The following NAALADL2 variants were observed in gnomAD, a reference collection of about 807,000 sequenced individuals.
NAALADL2 encodes inactive N-acetylated-alpha-linked acidic dipeptidase-like protein 2.
A neutral mutation model predicts 87.2 loss-of-function variants in NAALADL2; 76 were observed. The ratio of observed to expected loss-of-function variants is 0.87; its 90% CI spans 0.72 to 1.05. The LOEUF is 1.05. Among genes scored for constraint, NAALADL2 ranks in the 50% least tolerant of loss-of-function variants. NAALADL2 has a pLI of 0.00. For synonymous variants in NAALADL2, 354 were observed against 331.0 expected (o/e 1.07, Z -0.75); for missense variants, 1,089 against 945.8 (o/e 1.15, Z -1.99).
intron 11 of NAALADL2, among the ~76,000 whole-genome samples, chr3:175,698,473 G>GTATATATTTATATATA (rs1315132432): frequency 1.9e-4 from 16 of 82,090 alleles, no homozygotes; most frequent in African/African-American, 1.4e-3. Context: ...ATATATGTGT[G>GTATATATTTATATATA]TATATATATT....
At chr3:175,370,499 TG>T (rs59739020) in intron 5 of NAALADL2, among the ~76,000 whole-genome samples, 407 of 146,210 alleles carry the variant, frequency 2.8e-3, no homozygotes, top group South Asian at 0.011. Flanking sequence ...TGCCAATATA[TG>T]GGGGGGGGAG....
intron 2 of NAALADL2, among the ~76,000 whole-genome samples, chr3:175,108,283 G>A (rs1333039127): frequency 6.6e-6 from 1 of 151,892 alleles, no homozygotes; most frequent in Non-Finnish European, 1.5e-5. Flanking sequence ...AGGGTATGCA[G>A]CTTTCAGTAT....
intron 5 of NAALADL2, among the ~76,000 whole-genome samples, chr3:175,395,842 A>G (rs1487233956): frequency 6.6e-6 from 1 of 152,178 alleles, no homozygotes; most frequent in African/African-American, 2.4e-5. Context: ...ATTATTTTAT[A>G]TTTTATGAGC....
Position 174,859,433 on chromosome 3 carries a change from C to T in NAALADL2, c.26C>T (p.Pro9Leu). 6.2e-7 allele frequency: 1 copy of T among 1,610,790 alleles called. No homozygotes were observed. The highest frequency in any genetic ancestry group is 8.5e-7 in the Non-Finnish European group (1 of 1,178,204). MGENEASL[P>L]NTSLQGKKMA... ...ATGGGAGAGAATGAAGCAAGTTTAC[C>T]TAACACGTCTTTGCAAGGTAAGTAC... The change falls in exon 1 of 14, where the codon CCT becomes CTT. Residue 9 changes from proline (P) to leucine (L), a missense_variant. Transcript: ENST00000454872.
intron 2 of NAALADL2, among the ~76,000 whole-genome samples, chr3:174,737,325 C>G (rs1179212119): frequency 6.6e-6 from 1 of 152,198 alleles, no homozygotes; most frequent in African/African-American, 2.4e-5. Context: ...TTATGTTTAG[C>G]AGTGTGTGGC....
intron 10 of NAALADL2, among the ~76,000 whole-genome samples, chr3:175,625,267 A>T (rs545358117): frequency 1.3e-5 from 2 of 152,090 alleles, no homozygotes; most frequent in Admixed American, 6.6e-5. Context: ...TTGAATAGTG[A>T]TGAGAATGTC....
At chr3:175,403,301 T>C (rs920035665) in intron 5 of NAALADL2, among the ~76,000 whole-genome samples, 2 of 152,056 alleles carry the variant, frequency 1.3e-5, no homozygotes, top group African/African-American at 4.8e-5. Flanking sequence ...AGCTGTGCAG[T>C]AGAGGTATAC....
chr3:174,967,167 T>C (rs551577983), intron 1 of NAALADL2, among the ~76,000 whole-genome samples: 30 of 152,126 alleles, frequency 2.0e-4, no homozygotes, highest in Non-Finnish European at 2.8e-4. Flanking sequence ...AGTGGTCCCT[T>C]TTTTAAAGCT....
chr3:174,865,541 C>G (rs771144082), intron 1 of NAALADL2, among the ~76,000 whole-genome samples: 3 of 151,926 alleles, frequency 2.0e-5, no homozygotes, highest in Non-Finnish European at 4.4e-5. Flanking sequence ...AGCCTATCTT[C>G]CATTAAACTA....
chr3:174,943,751 A>G (rs1738971932), intron 1 of NAALADL2, among the ~76,000 whole-genome samples: 1 of 152,002 alleles, frequency 6.6e-6, no homozygotes, highest in Non-Finnish European at 1.5e-5. Flanking sequence ...TGTGTGTGGG[A>G]CCCATGGGAG....
At chr3:174,582,802 T>C (rs890585375) in intron 2 of NAALADL2, among the ~76,000 whole-genome samples, 2 of 152,258 alleles carry the variant, frequency 1.3e-5, no homozygotes, top group African/African-American at 4.8e-5. Context: ...CAGACTGGCC[T>C]TGAACTCCTG....
intron 1 of NAALADL2, among the ~76,000 whole-genome samples, chr3:174,485,729 TTGCTATTG>T (rs1717812663): frequency 6.6e-6 from 1 of 152,036 alleles, no homozygotes; most frequent in Non-Finnish European, 1.5e-5. Context: ...TCTATGTCTT[TTGCTATTG>T]TGAATAGTGC....
chr3:174,852,930 A>G (rs968319512), intron 3 of NAALADL2, among the ~76,000 whole-genome samples: 4 of 152,148 alleles, frequency 2.6e-5, no homozygotes, highest in African/African-American at 9.7e-5. Flanking sequence ...CTGATTTTTG[A>G]CAAAGTTGCC....
rs943666596 is a variant in NAALADL2, at chr3:175,398,560, T to C, written c.1091-48669T>C. 1.2e-4 allele frequency among the ~76,000 whole-genome samples: 18 copies of C among 151,976 alleles called. No homozygotes were observed. The East Asian group carries it at 2.7e-3, about 23-fold the overall frequency. ...AACTATAAGGAAGTTTTTGCAGAAA[T>C]TTTTCTTAGGATATCTTTTCAGAAA... On this transcript the variant is annotated intron_variant, in intron 5 of 13. Transcript: ENST00000454872.
At chr3:175,499,585 A>G (rs1433292791) in intron 9 of NAALADL2, among the ~76,000 whole-genome samples, 1 of 151,708 alleles carries the variant, frequency 6.6e-6, no homozygotes, top group Admixed American at 6.6e-5. Flanking sequence ...CTTAAGTTCT[A>G]GGGTTTCAGT....
rs1330761974 is a variant in NAALADL2 at position 175,810,098 on chromosome 3, G to A, written c.*6895G>A. The A allele has an allele frequency of 6.7e-6, 1 of 149,514 alleles. No homozygotes were observed. The highest frequency in any genetic ancestry group is 1.5e-5 in the Non-Finnish European group (1 of 66,386). The allele number at this position is 149,514 out of a possible 1,614,324, so 9.3% of individuals were successfully genotyped here. ...ATTGTACAGAGATTTCATTGTCATT[G>A]TCGTTGTTGTTAACTGATTTTTAAT... On this transcript the variant is annotated 3_prime_UTR_variant, in exon 14 of 14. Coordinates refer to ENST00000454872, the MANE Select transcript of NAALADL2 (RefSeq NM_207015.3).
chr3:175,563,856 G>A, intron 9 of NAALADL2, among the ~76,000 whole-genome samples: 1 of 152,092 alleles, frequency 6.6e-6, no homozygotes, highest in East Asian at 1.9e-4. Context: ...TAGTATTTGG[G>A]TGTCCTATAC....
chr3:174,591,297 T>C (rs1453782731), intron 2 of NAALADL2, among the ~76,000 whole-genome samples: 2 of 152,178 alleles, frequency 1.3e-5, no homozygotes. Context: ...AATAGGGAAT[T>C]ATGTTTGGAT....
intron 2 of NAALADL2, among the ~76,000 whole-genome samples, chr3:174,614,504 C>T (rs1720254749): frequency 6.6e-6 from 1 of 152,128 alleles, no homozygotes; most frequent in Admixed American, 6.5e-5. Context: ...AGTGTCTCAC[C>T]ATTTTTGTGC....
Sources: allele counts gnomAD v4.1 joint callset (sites outside exome capture counted in the v4.1 genomes callset), GRCh38; gene constraint gnomAD v4.1.1; transcripts MANE v1.5; gene names NCBI Gene and HGNC (gene_info 2026-07-23, HGNC 2026-07-21).